AGGF1: variants seen among roughly 807,000 people sequenced by gnomAD.
AGGF1 encodes the protein angiogenic factor with G patch and FHA domains 1.
A neutral mutation model predicts 86.5 loss-of-function variants in AGGF1; 56 were observed. The observed-to-expected ratio is 0.65, with a 90% CI of 0.52 to 0.81. The LOEUF (loss-of-function observed/expected upper bound fraction) is 0.81, where lower values mean the gene tolerates loss of function less well. Ranked by LOEUF, AGGF1 falls within the 30% of genes least tolerant of loss-of-function variation. The probability of loss-of-function intolerance (pLI) is 0.00; values close to 1 mark genes in which losing one functional copy is unlikely to be tolerated. For synonymous variants in AGGF1, 313 were observed against 297.1 expected (o/e 1.05, Z -0.55); for missense variants, 816 against 850.9 (o/e 0.96, Z 0.51).
chr5:77,060,942 C>T (rs1001270191), intron 12 of AGGF1, among the ~76,000 whole-genome samples: 4 of 152,018 alleles, frequency 2.6e-5, no homozygotes, highest in African/African-American at 9.7e-5. Context: ...TGGTTATTAA[C>T]TGAAGGGCTA....
chr5:77,043,599 CCG>C (rs1401517807), intron 5 of AGGF1, among the ~76,000 whole-genome samples: 5 of 117,582 alleles, frequency 4.3e-5, no homozygotes, highest in South Asian at 2.8e-4. Flanking sequence ...CCCCCCCCCC[CCG>C]GATGGCACGG....
chr5:77,047,501 T>C (rs955867742), intron 6 of AGGF1, among the ~76,000 whole-genome samples: 1 of 152,158 alleles, frequency 6.6e-6, no homozygotes, highest in Non-Finnish European at 1.5e-5. Context: ...TGTTCTTTGG[T>C]TCTCAATGGC....
chr5:77,052,733 G>C lies in AGGF1; in HGVS notation c.1393G>C (p.Asp465His), dbSNP rs1747395791. The C allele has an allele frequency of 1.2e-6, 2 of 1,613,194 alleles. No individual in the cohort carries two copies. Among genetic ancestry groups the C allele is most frequent in the South Asian group, 2.2e-5 (2 of 90,910 alleles). ...KFHAEIYFDH[D>H]LQSYVLVDQG... is the part of the protein sequence containing the mutation. The stretch of plus-strand genomic sequence containing the variant: ...TCATGCAGAAATTTATTTTGACCAT[G>C]ACTTACAAAGTTATGTCCTTGTGGA... The change falls in exon 9 of 14, where the codon GAC becomes CAC. Residue 465 changes from aspartate (D) to histidine (H), a missense_variant. Physicochemically the swap from Asp to His is moderately conservative, Grantham distance 81. Around this residue, in one of 3 missense-constraint regions of AGGF1, gnomAD observed 565 missense variants for 585.8 expected, o/e 0.96. Transcript: ENST00000312916.
chr5:77,055,289 T>C (rs1053718722), intron 10 of AGGF1, among the ~76,000 whole-genome samples: 23 of 152,192 alleles, frequency 1.5e-4, no homozygotes, highest in African/African-American at 4.8e-4. Context: ...AGCTATAAGA[T>C]TCCTATTATC....
Position 77,064,892 on chromosome 5 carries a change from CAT to C in AGGF1, c.*1641_*1642del. On this transcript the variant is annotated 3_prime_UTR_variant, in exon 14 of 14. Coordinates refer to ENST00000312916, the MANE Select transcript of AGGF1 (RefSeq NM_018046.5). ...ATTTGTATTATTATATTGGGGAAAA[CAT>C]TTTTTATCATTTTCTATTAAGAAAA... The C allele has an allele frequency of 6.6e-6, 1 of 152,142 alleles. No individual in the cohort carries two copies. Among genetic ancestry groups the C allele is most frequent in the African/African-American group, 2.4e-5 (1 of 41,512 alleles). The allele number at this position is 152,142 out of a possible 1,614,324, so 9.4% of individuals were successfully genotyped here.
At chr5:77,050,076 T>C (rs1445008952) in intron 8 of AGGF1, among the ~76,000 whole-genome samples, 1 of 152,082 alleles carries the variant, frequency 6.6e-6, no homozygotes, top group Non-Finnish European at 1.5e-5. Context: ...GTCCATTTAC[T>C]TTCACTTTCT....
chr5:77,059,642 A>G lies in AGGF1; in HGVS notation c.1743A>G (p.Thr581=). The G allele has an allele frequency of 1.2e-6, 2 of 1,610,744 alleles. No homozygotes were observed. Among genetic ancestry groups the G allele is most frequent in the Non-Finnish European group, 1.7e-6 (2 of 1,177,296 alleles). ...LQNTEYEDEK[T]LKNPKYKDRA... is the part of the protein sequence containing the mutation. ...ATACAGAATACGAAGATGAAAAGAC[A>G]TTGAAGAATCCAAAATATAAAGATA... The change falls in exon 12 of 14, where the codon ACA becomes ACG. Residue 581 remains threonine, a synonymous_variant. Transcript: ENST00000312916.
chr5:77,036,346 T>C (rs1746966889), intron 3 of AGGF1, among the ~76,000 whole-genome samples: 1 of 152,250 alleles, frequency 6.6e-6, no homozygotes, highest in Non-Finnish European at 1.5e-5. Flanking sequence ...CACTCATTTT[T>C]AGTGCCTTCA....
Position 77,048,250 on chromosome 5 carries a change from G to A in AGGF1, c.1291G>A (p.Val431Ile). 1.2e-6 allele frequency: 2 copies of A among 1,610,208 alleles called. No individual in the cohort carries two copies. Among genetic ancestry groups the A allele is most frequent in the Non-Finnish European group, 8.5e-7 (1 of 1,176,626 alleles). The change falls in exon 7 of 14, where the codon GTA becomes ATA. Residue 431 changes from valine (V) to isoleucine (I), a missense_variant. By Grantham distance (29) the Val-to-Ile change is conservative. Coordinates refer to ENST00000312916, the MANE Select transcript of AGGF1 (RefSeq NM_018046.5). Reference protein sequence around the residue: ...QIGSLFIITAVNPATIGREKD... With the variant: ...QIGSLFIITAINPATIGREKD... ...AGGATCACTCTTTATCATTACTGCT[G>A]TAAACCCTGCTACAATTGGAAGGTA...
rs750965470 is a variant in AGGF1 at position 77,036,587 on chromosome 5, C to T, written c.548C>T (p.Thr183Ile). 5 of 1,614,084 alleles carry T rather than the reference C, an allele frequency of 3.1e-6. No individual in the cohort carries two copies. Among genetic ancestry groups the T allele is most frequent in the Non-Finnish European group, 3.4e-6 (4 of 1,180,002 alleles). ...GCATCTGCATTAGCAACAGAAGATACCTCCTTAGAAGGCTCATCATTAGCT... is the reference window on the plus strand; with the variant it reads ...GCATCTGCATTAGCAACAGAAGATATCTCCTTAGAAGGCTCATCATTAGCT... ...EPASALATEDTSLEGSSLAES... is the reference protein window; with the variant it reads ...EPASALATEDISLEGSSLAES... Residue 183 changes from threonine (T) to isoleucine (I), a missense_variant, in exon 4 of 14, where the codon ACC becomes ATC. Transcript: ENST00000312916.
Position 77,030,996 on chromosome 5 carries a change from C to T in AGGF1, c.210+20C>T, listed in dbSNP as rs774772836. The stretch of plus-strand genomic sequence containing the variant: ...ACGCAGGTGCGCGGTCCTCCTCAGC[C>T]CCGCGCCCCATCCAGCCCAGGCGAG... On this transcript the variant is annotated intron_variant, in intron 1 of 13. Coordinates refer to ENST00000312916, the MANE Select transcript of AGGF1 (RefSeq NM_018046.5). 5.0e-6 allele frequency: 8 copies of T among 1,610,592 alleles called. No individual in the cohort carries two copies. Among genetic ancestry groups the T allele is most frequent in the Admixed American group, 3.3e-5 (2 of 60,020 alleles).
Position 77,061,746 on chromosome 5 carries a change from A to G in AGGF1, c.1888A>G (p.Met630Val), listed in dbSNP as rs1219158713. 1.9e-6 allele frequency: 3 copies of G among 1,549,586 alleles called. No homozygotes were observed. The highest frequency in any genetic ancestry group is 8.8e-7 in the Non-Finnish European group (1 of 1,139,908). Residue 630 changes from methionine (M) to valine (V), a missense_variant, in exon 13 of 14, where the codon ATG becomes GTG. Transcript: ENST00000312916. Reference sequence around the variant, plus strand: ...CAAAGGTCGGAAGATGTTGGAGAAGATGGGTTGGAAGAAAGGAGAGGGCCT... The same window carrying G: ...CAAAGGTCGGAAGATGTTGGAGAAGGTGGGTTGGAAGAAAGGAGAGGGCCT... ...SNKGRKMLEK[M>V]GWKKGEGLGK...
At chr5:77,054,594 C>CA (rs1034541354) in intron 10 of AGGF1, among the ~76,000 whole-genome samples, 3 of 151,978 alleles carry the variant, frequency 2.0e-5, no homozygotes, top group Admixed American at 6.5e-5. Flanking sequence ...TTACCATACA[C>CA]AAAAAATGAT....
Position 77,053,959 on chromosome 5 carries a change from C to G in AGGF1, c.1468-6C>G. On this transcript the variant is annotated splice_polypyrimidine_tract_variant and splice_region_variant and intron_variant, in intron 9 of 13. Transcript: ENST00000312916. Reference sequence around the variant, plus strand: ...ATTTCTGTTTTGTAAAATGTTTCCCCTCTAGCCGAAAACTAAATGTGACCC... The same window carrying G: ...ATTTCTGTTTTGTAAAATGTTTCCCGTCTAGCCGAAAACTAAATGTGACCC... 1 of 1,613,860 alleles carries G rather than the reference C, an allele frequency of 6.2e-7. No individual in the cohort carries two copies. Among genetic ancestry groups the G allele is most frequent in the Non-Finnish European group, 8.5e-7 (1 of 1,179,982 alleles).
intron 5 of AGGF1, among the ~76,000 whole-genome samples, chr5:77,042,204 C>CT (rs1455452865): frequency 1.3e-5 from 2 of 151,904 alleles, no homozygotes; most frequent in Non-Finnish European, 2.9e-5. Flanking sequence ...TCTCCCATGT[C>CT]TACTTCTTTC....
chr5:77,045,890 A>G (rs1242382662), intron 5 of AGGF1, among the ~76,000 whole-genome samples: 1 of 152,230 alleles, frequency 6.6e-6, no homozygotes, highest in African/African-American at 2.4e-5. Flanking sequence ...TATGTAAACT[A>G]TCTCATTAAT....
chr5:77,063,480 A>G lies in AGGF1; in HGVS notation c.*228A>G. On this transcript the variant is annotated 3_prime_UTR_variant, in exon 14 of 14. Coordinates refer to ENST00000312916, the MANE Select transcript of AGGF1 (RefSeq NM_018046.5). ...ATAGACTAAAGTTCACAGGGCACGG[A>G]TGAGTTTATCAAACTTCGTTATTTT... 3 of 526,136 alleles carry G rather than the reference A, an allele frequency of 5.7e-6. No individual in the cohort carries two copies. Among genetic ancestry groups the G allele is most frequent in the South Asian group, 2.2e-5 (1 of 44,500 alleles). The allele number at this position is 526,136 out of a possible 1,614,324, so 32.6% of individuals were successfully genotyped here.
intron 5 of AGGF1, among the ~76,000 whole-genome samples, chr5:77,041,921 A>G (rs1321882647): frequency 6.7e-6 from 1 of 149,962 alleles, no homozygotes; most frequent in African/African-American, 2.4e-5. Flanking sequence ...AAACAAGTGA[A>G]CAAAGGTCTC....
At chr5:77,053,534 A>G (rs546786156) in intron 9 of AGGF1, among the ~76,000 whole-genome samples, 3 of 152,328 alleles carry the variant, frequency 2.0e-5, no homozygotes, top group Admixed American at 6.5e-5. Context: ...GAAAAAATAT[A>G]GGAAGGCGGG....
Sources: allele counts gnomAD v4.1 joint callset (sites outside exome capture counted in the v4.1 genomes callset), GRCh38; gene constraint gnomAD v4.1.1; regional missense constraint gnomAD v4.1.1; transcripts MANE v1.5; gene names NCBI Gene and HGNC (gene_info 2026-07-23, HGNC 2026-07-21).